The following ABTB2 variants were observed in gnomAD, a reference collection of about 807,000 sequenced individuals.
ABTB2 encodes ankyrin repeat and BTB/POZ domain-containing protein 2.
ABTB2 carries 56 observed loss-of-function variants against 104.1 expected under a neutral mutation model. The ratio of observed to expected loss-of-function variants is 0.54; its 90% confidence interval spans 0.43 to 0.67. The LOEUF is 0.67. ABTB2 is among the 30% of genes least tolerant of loss of function. ABTB2 has a pLI of 0.00. For synonymous variants in ABTB2, 606 were observed against 608.2 expected (o/e 1.00, Z 0.05); for missense variants, 1,279 against 1,407.7 (o/e 0.91, Z 1.46).
intron 1 of ABTB2, among the ~76,000 whole-genome samples, chr11:34,246,463 T>C (rs10836164): frequency 0.62 from 93,397 of 151,478 alleles, 29,099 homozygotes; most frequent in African/African-American, 0.7. Flanking sequence ...TAGCTGGGCG[T>C]AATGGTGCAT....
rs1285881001 is a variant in ABTB2, at chr11:34,357,196, C to A, written c.388G>T (p.Gly130Trp). Reference sequence around the variant, plus strand: ...CGGATCAGTGCCCTGCGGAGCAGCCCGGCCAGGCGCCTCACCGCCTCGGCG... The same window carrying A: ...CGGATCAGTGCCCTGCGGAGCAGCCAGGCCAGGCGCCTCACCGCCTCGGCG... ...FSAEAVRRLA[G>W]LLRRALIRVA... The change falls in exon 1 of 17, where the codon GGG (glycine) becomes TGG (tryptophan). Residue 130 changes from glycine (G) to tryptophan (W), a missense_variant. Physicochemically the swap from Gly to Trp is radical, Grantham distance 184 (BLOSUM62 -2). Coordinates refer to ENST00000435224, the MANE Select transcript of ABTB2 (RefSeq NM_145804.3). 17 of 1,508,180 alleles carry A rather than the reference C, an allele frequency of 1.1e-5. No homozygotes were observed. Among genetic ancestry groups the A allele is most frequent in the Admixed American group, 2.2e-5 (1 of 46,004 alleles). 93.4% of individuals were successfully genotyped at this position (1,508,180 alleles called of 1,614,324 possible). A position where few individuals can be genotyped will look rare whatever the true frequency, so the allele number is the denominator to read the frequency against.
rs755223258 is a variant in ABTB2, at chr11:34,162,667, C to T, written c.2127G>A (p.Leu709=). The T allele has an allele frequency of 8.7e-6, 14 of 1,613,188 alleles. No homozygotes were observed. In the South Asian group the frequency reaches 1.3e-4, roughly 15 times the overall value. The part of the protein sequence containing the change: ...QGSGSEGPVR[L]SRTRTKALQE... Reference sequence around the variant, plus strand: ...GTAGGGCCTTGGTGCGGGTCCGGCTCAGCCGCACGGGCCCCTCGCTGCCAC... The same window carrying T: ...GTAGGGCCTTGGTGCGGGTCCGGCTTAGCCGCACGGGCCCCTCGCTGCCAC... Residue 709 remains leucine, a synonymous_variant, in exon 10 of 17, where the codon CTG becomes CTA. Transcript: ENST00000435224.
At chr11:34,314,152 A>G (rs1327444808) in intron 1 of ABTB2, among the ~76,000 whole-genome samples, 1 of 152,186 alleles carries the variant, frequency 6.6e-6, no homozygotes, top group Admixed American at 6.5e-5. Flanking sequence ...GGTGGCTTTA[A>G]TTCCCTGATA....
Position 34,154,859 on chromosome 11 carries a change from C to A in ABTB2, c.2698-90G>T, listed in dbSNP as rs901003033. On this transcript the variant is annotated intron_variant, in intron 14 of 16. Transcript: ENST00000435224. The surrounding 1 kb of genome is among the most constrained non-coding windows in gnomAD (Gnocchi z 4.9). ...CCACAGGGTACTGCTCCAGCTGCCG[C>A]CTCCAGGGGCCTGTCCCTCTGCAGG... is the stretch of plus-strand genomic sequence containing the variant. 1.6e-6 allele frequency: 2 copies of A among 1,262,026 alleles called. No individual in the cohort carries two copies. The highest frequency in any genetic ancestry group is 3.0e-5 in the African/African-American group (2 of 67,794). The allele number at this position is 1,262,026 out of a possible 1,614,324, so 78.2% of individuals were successfully genotyped here.
At position 34,319,050 on chromosome 11, in the gene ABTB2, A is replaced by G. The variant is rs544990110; in HGVS notation, c.883+37651T>C. On this transcript the variant is annotated intron_variant, in intron 1 of 16. Coordinates refer to ENST00000435224, the MANE Select transcript of ABTB2 (RefSeq NM_145804.3). ...GACTGGCACTGTCTTAGCAAGGATG[A>G]TGGCCAAGGCCCCTGGAGCTGGGGG... Among the ~76,000 whole-genome samples the G allele has an allele frequency of 1.6e-4, 24 of 152,360 alleles. No homozygotes were observed. In the South Asian group the frequency reaches 5.0e-3, roughly 32 times the overall value.
chr11:34,276,989 C>T (rs1854389354), intron 1 of ABTB2, among the ~76,000 whole-genome samples: 1 of 152,176 alleles, frequency 6.6e-6, no homozygotes, highest in African/African-American at 2.4e-5. Flanking sequence ...GCAATCTCCA[C>T]CTCCCAGGTT....
intron 1 of ABTB2, among the ~76,000 whole-genome samples, chr11:34,254,670 CTT>C (rs57784717): frequency 0.034 from 4,291 of 127,570 alleles, 175 homozygotes; most frequent in African/African-American, 0.12. Context: ...ATATTAGAAA[CTT>C]TTTTTTTTTT....
At chr11:34,244,885 G>A (rs1853966992) in intron 1 of ABTB2, among the ~76,000 whole-genome samples, 1 of 151,916 alleles carries the variant, frequency 6.6e-6, no homozygotes, top group South Asian at 2.1e-4. Flanking sequence ...GTGTGTGCCT[G>A]TGGTTCCAGC....
intron 1 of ABTB2, among the ~76,000 whole-genome samples, chr11:34,218,908 A>T (rs1222185146): frequency 6.7e-6 from 1 of 149,476 alleles, no homozygotes; most frequent in African/African-American, 2.4e-5. Flanking sequence ...CTCTGTCAAG[A>T]TGAGTTGACT....
At chr11:34,196,625 T>C (rs1312970341) in intron 3 of ABTB2, among the ~76,000 whole-genome samples, 1 of 152,174 alleles carries the variant, frequency 6.6e-6, no homozygotes, top group Non-Finnish European at 1.5e-5. Context: ...ATGCCCCTCA[T>C]TGGGTTCTGT....
intron 1 of ABTB2, among the ~76,000 whole-genome samples, chr11:34,272,717 A>AACAAAAAAAC (rs1854332749): frequency 6.7e-6 from 1 of 149,138 alleles, no homozygotes; most frequent in African/African-American, 2.5e-5. Context: ...AAAAAAAAAA[A>AACAAAAAAAC]AAAAAAAAAA....
At chr11:34,275,642 C>T (rs1313681821) in intron 1 of ABTB2, among the ~76,000 whole-genome samples, 1 of 152,188 alleles carries the variant, frequency 6.6e-6, no homozygotes, top group African/African-American at 2.4e-5. Context: ...AATGTGGATC[C>T]CGACTCCGTG....
chr11:34,250,893 C>T (rs1370039054), intron 1 of ABTB2, among the ~76,000 whole-genome samples: 1 of 152,208 alleles, frequency 6.6e-6, no homozygotes, highest in Non-Finnish European at 1.5e-5. Context: ...TGCCATTTTA[C>T]ATATGAGAAA....
intron 1 of ABTB2, among the ~76,000 whole-genome samples, chr11:34,305,368 T>C (rs761867175): frequency 1.2e-4 from 19 of 152,172 alleles, no homozygotes; most frequent in Non-Finnish European, 2.6e-4. Context: ...CACACTTCTC[T>C]CCTCAAAGAG....
At chr11:34,333,768 T>C (rs1010389501) in intron 1 of ABTB2, among the ~76,000 whole-genome samples, 3 of 151,886 alleles carry the variant, frequency 2.0e-5, no homozygotes, top group African/African-American at 4.8e-5. Context: ...AAATAAAATA[T>C]AATAAAATAA....
intron 1 of ABTB2, among the ~76,000 whole-genome samples, chr11:34,229,231 G>A (rs7104966): frequency 0.51 from 76,686 of 151,416 alleles, 20,496 homozygotes; most frequent in Non-Finnish European, 0.62. Flanking sequence ...GCCTGTAATC[G>A]CAGCACTTTG....
intron 1 of ABTB2, among the ~76,000 whole-genome samples, chr11:34,251,943 CT>C (rs1854061782): frequency 6.6e-6 from 1 of 152,186 alleles, no homozygotes; most frequent in African/African-American, 2.4e-5. Context: ...GTGGAGGAGA[CT>C]TTCCTCACCC....
At chr11:34,344,156 T>G (rs781249922) in intron 1 of ABTB2, among the ~76,000 whole-genome samples, 3 of 151,922 alleles carry the variant, frequency 2.0e-5, no homozygotes, top group Non-Finnish European at 4.4e-5. Flanking sequence ...AAAAATGGAG[T>G]CTTGCTTTCC....
At chr11:34,335,222 C>G (rs1265825949) in intron 1 of ABTB2, 2 of 1,263,858 alleles carry the variant, frequency 1.6e-6, no homozygotes, top group Non-Finnish European at 2.3e-6. Context: ...TCACTTTAAG[C>G]ATCGAAGGTC....
Sources: gnomAD v4.1 joint callset for allele counts (sites outside exome capture counted in the v4.1 genomes callset) on GRCh38, gnomAD v4.1.1 for gene constraint, Gnocchi (gnomAD v3.1) non-coding constraint, MANE v1.5 for transcripts, NCBI Gene and HGNC (gene_info 2026-07-23, HGNC 2026-07-21) for gene names.